The following ABTB2 variants were observed in gnomAD, a reference collection of about 807,000 sequenced individuals.
ABTB2 encodes ankyrin repeat and BTB domain containing 2, also known as ankyrin repeat and BTB/POZ domain-containing protein 2.
In ABTB2, 56 loss-of-function variants were observed where a neutral mutation model predicts 104.1. The ratio of observed to expected loss-of-function variants is 0.54; its 90% CI spans 0.43 to 0.67. The LOEUF (loss-of-function observed/expected upper bound fraction) is 0.67, where lower values mean the gene tolerates loss of function less well. ABTB2 is among the 30% of genes least tolerant of loss of function. The pLI is 0.00. For missense variants in ABTB2, 1,279 were observed against 1,407.7 expected, an observed-to-expected ratio of 0.91 and a Z score of 1.46; for synonymous variants, 606 against 608.2, an observed-to-expected ratio of 1.00 and a Z score of 0.05.
intron 1 of ABTB2, among the ~76,000 whole-genome samples, chr11:34,300,682 T>C (rs1459440569): frequency 2.0e-5 from 3 of 151,970 alleles, no homozygotes; most frequent in African/African-American, 7.3e-5. Context: ...CTCATAGCGT[T>C]TTCATCTTCT....
Position 34,167,923 on chromosome 11 carries a change from C to T in ABTB2, c.1633G>A (p.Gly545Arg). 6.2e-7 allele frequency: 1 copy of T among 1,614,252 alleles called. No individual in the cohort carries two copies. The highest frequency in any genetic ancestry group is 8.5e-7 in the Non-Finnish European group (1 of 1,180,044). The change falls in exon 6 of 17, where the codon GGG becomes AGG. Residue 545 changes from glycine (G) to arginine (R), a missense_variant. Coordinates refer to ENST00000435224, the MANE Select transcript of ABTB2 (RefSeq NM_145804.3). ...CTCACCTGGATGTCCAAGTTTGCCC[C>T]AGCATCAATCAACATCTGGACCATC... Reference protein sequence around the residue: ...EAMVQMLIDAGANLDIQVPSN... With the variant: ...EAMVQMLIDARANLDIQVPSN...
intron 1 of ABTB2, among the ~76,000 whole-genome samples, chr11:34,348,697 T>C (rs1387066554): frequency 6.6e-6 from 1 of 152,158 alleles, no homozygotes; most frequent in Non-Finnish European, 1.5e-5. Context: ...AACTATGGGA[T>C]GGAAGTTATA....
chr11:34,331,337 T>C (rs539408440), intron 1 of ABTB2, among the ~76,000 whole-genome samples: 41 of 152,252 alleles, frequency 2.7e-4, no homozygotes, highest in African/African-American at 9.6e-4. Context: ...ATCAGGACCA[T>C]AAAACGCAAG....
chr11:34,288,240 CTATT>C (rs755050746), intron 1 of ABTB2, among the ~76,000 whole-genome samples: 2 of 152,212 alleles, frequency 1.3e-5, no homozygotes, highest in African/African-American at 2.4e-5. Context: ...TTTATAACCA[CTATT>C]TAGACTACAG....
chr11:34,235,011 C>T (rs887121078), intron 1 of ABTB2, among the ~76,000 whole-genome samples: 2 of 152,164 alleles, frequency 1.3e-5, no homozygotes, highest in African/African-American at 2.4e-5. Flanking sequence ...GCGCCCGCCA[C>T]GGCGCCTGGC....
intron 1 of ABTB2, among the ~76,000 whole-genome samples, chr11:34,249,836 CT>C (rs1218915116): frequency 1.3e-5 from 2 of 152,198 alleles, no homozygotes; most frequent in African/African-American, 2.4e-5. Context: ...ATCCATCACT[CT>C]ATAACATCAG....
At chr11:34,185,213 C>T (rs78973268) in intron 3 of ABTB2, among the ~76,000 whole-genome samples, 2,087 of 152,266 alleles carry the variant, frequency 0.014, 51 homozygotes, top group African/African-American at 0.047. Context: ...GAAGCAGTGG[C>T]GTGAGGGCTC....
chr11:34,306,236 A>ATTT (rs34872949), intron 1 of ABTB2, among the ~76,000 whole-genome samples: 877 of 71,968 alleles, frequency 0.012, 125 homozygotes, highest in South Asian at 0.047. Context: ...GGAAAGTTTG[A>ATTT]TTTTTTTTTT....
At chr11:34,202,287 G>A (rs749635555) in intron 2 of ABTB2, among the ~76,000 whole-genome samples, 2 of 152,214 alleles carry the variant, frequency 1.3e-5, no homozygotes, top group Admixed American at 6.5e-5. Context: ...CAATGTACTT[G>A]AGGATCAAGG....
chr11:34,200,869 G>C (rs1188043440), intron 2 of ABTB2, among the ~76,000 whole-genome samples: 1 of 152,024 alleles, frequency 6.6e-6, no homozygotes, highest in Non-Finnish European at 1.5e-5. Context: ...TCTGTGAACC[G>C]GGACAGGTCC....
intron 1 of ABTB2, among the ~76,000 whole-genome samples, chr11:34,350,785 C>A (rs1250033671): frequency 6.6e-6 from 1 of 152,178 alleles, no homozygotes; most frequent in Admixed American, 6.5e-5. Flanking sequence ...CAAGTACTGA[C>A]CTGTATTTGC....
intron 1 of ABTB2, among the ~76,000 whole-genome samples, chr11:34,330,736 T>C (rs1284996915): frequency 6.6e-6 from 1 of 152,246 alleles, no homozygotes; most frequent in Non-Finnish European, 1.5e-5. Context: ...TGTCATTTCA[T>C]CAACAGTTTA....
chr11:34,191,757 T>A lies in ABTB2; in HGVS notation c.1244+5568A>T, dbSNP rs543469076. Among the ~76,000 whole-genome samples, 33 of 152,260 alleles carry A rather than the reference T, an allele frequency of 2.2e-4. 2 individuals carry two copies. In the South Asian group the frequency reaches 6.6e-3, roughly 31 times the overall value. On this transcript the variant is annotated intron_variant, in intron 3 of 16. Coordinates refer to ENST00000435224, the MANE Select transcript of ABTB2 (RefSeq NM_145804.3). ...AGCTGCACCAATGGGGGCAGGACCT[T>A]CTCAGCCACAAGCTCAGCCCTGTGT...
intron 1 of ABTB2, among the ~76,000 whole-genome samples, chr11:34,322,927 T>G (rs1855023455): frequency 1.3e-5 from 2 of 152,172 alleles, no homozygotes; most frequent in African/African-American, 4.8e-5. Context: ...TATTTATTTA[T>G]GAGATTGAGT....
At chr11:34,283,278 C>T (rs10836181) in intron 1 of ABTB2, among the ~76,000 whole-genome samples, 81,072 of 151,736 alleles carry the variant, frequency 0.53, 22,318 homozygotes, top group Middle Eastern at 0.73. Flanking sequence ...TGCAGTGGCA[C>T]GACCTCAGCT....
intron 1 of ABTB2, among the ~76,000 whole-genome samples, chr11:34,329,835 C>A (rs994810833): frequency 6.6e-6 from 1 of 152,200 alleles, no homozygotes; most frequent in East Asian, 1.9e-4. Flanking sequence ...CCAGTAAATT[C>A]AACTGTGTCT....
At chr11:34,279,787 CTTTTTTTTT>C (rs397849748) in intron 1 of ABTB2, among the ~76,000 whole-genome samples, 1 of 129,564 alleles carries the variant, frequency 7.7e-6, no homozygotes, top group Non-Finnish European at 1.6e-5. Flanking sequence ...CTTTCTTCTT[CTTTTTTTTT>C]TTTTTTTTTG....
chr11:34,171,093 G>C, intron 4 of ABTB2, 22 bp from the exon 5 acceptor site: 1 of 1,611,464 alleles, frequency 6.2e-7, no homozygotes, highest in Non-Finnish European at 8.5e-7. Flanking sequence ...AGACCCAAAG[G>C]TGCGTGTGAC....
intron 9 of ABTB2, among the ~76,000 whole-genome samples, chr11:34,163,506 A>G (rs533182917): frequency 5.4e-4 from 82 of 152,342 alleles, no homozygotes; most frequent in Non-Finnish European, 7.2e-4. Flanking sequence ...GTGGGGGTAC[A>G]GACCCAGGAC....
Sources: allele counts gnomAD v4.1 joint callset (sites outside exome capture counted in the v4.1 genomes callset), GRCh38; gene constraint gnomAD v4.1.1; transcripts MANE v1.5; gene names NCBI Gene and HGNC (gene_info 2026-07-23, HGNC 2026-07-21).